The following CADM2 variants were observed in gnomAD, a reference collection of about 807,000 sequenced individuals.
CADM2 encodes the protein cell adhesion molecule 2.
A neutral mutation model predicts 49.8 loss-of-function variants in CADM2; 12 were observed. The observed-to-expected ratio is 0.24, with a 90% CI of 0.15 to 0.39. CADM2 has a LOEUF of 0.39. Ranked by LOEUF, CADM2 falls within the 10% of genes least tolerant of loss-of-function variation. The pLI is 1.00. For synonymous variants in CADM2, 214 were observed against 175.4 expected (o/e 1.22, Z -1.74); for missense variants, 378 against 492.3 (o/e 0.77, Z 2.20).
chr3:85,712,581 A>G (rs1359920418), intron 1 of CADM2, among the ~76,000 whole-genome samples: 1 of 152,212 alleles, frequency 6.6e-6, no homozygotes, highest in African/African-American at 2.4e-5. Flanking sequence ...TTATTTTCAT[A>G]TGACCTGAGT....
At chr3:85,984,162 A>G (rs1727805674) in intron 8 of CADM2, among the ~76,000 whole-genome samples, 1 of 150,230 alleles carries the variant, frequency 6.7e-6, no homozygotes, top group Non-Finnish European at 1.5e-5. Flanking sequence ...ATATGTGTAC[A>G]TATATGTGCA....
chr3:85,042,646 G>A (rs2035486763), intron 1 of CADM2, among the ~76,000 whole-genome samples: 1 of 152,302 alleles, frequency 6.6e-6, no homozygotes, highest in South Asian at 2.1e-4. Flanking sequence ...AGCATTGAAA[G>A]TGTCTCTATA....
intron 3 of CADM2, among the ~76,000 whole-genome samples, chr3:85,874,179 T>C (rs1204760826): frequency 6.6e-6 from 1 of 152,216 alleles, no homozygotes; most frequent in Admixed American, 6.5e-5. Context: ...TGTTATTACC[T>C]TAGTGAAAAC....
At chr3:85,478,841 T>A (rs963092220) in intron 1 of CADM2, among the ~76,000 whole-genome samples, 3 of 152,024 alleles carry the variant, frequency 2.0e-5, no homozygotes, top group African/African-American at 7.2e-5. Flanking sequence ...ACTGAAGCTA[T>A]GAAACACTTC....
At chr3:85,182,206 C>T (rs1359873813) in intron 1 of CADM2, among the ~76,000 whole-genome samples, 1 of 151,972 alleles carries the variant, frequency 6.6e-6, no homozygotes, top group Non-Finnish European at 1.5e-5. Flanking sequence ...ATTTAACATA[C>T]TACCTTCTCC....
chr3:85,036,997 G>GAAAAAAAAAAAAAAAA (rs10566030), intron 1 of CADM2, among the ~76,000 whole-genome samples: 1 of 78,014 alleles, frequency 1.3e-5, no homozygotes, highest in Admixed American at 1.2e-4. Context: ...ACTAAAAATA[G>GAAAAAAAAAAAAAAAA]AAAAAAAAAA....
intron 1 of CADM2, among the ~76,000 whole-genome samples, chr3:85,720,810 C>G (rs2067476005): frequency 1.3e-5 from 2 of 152,162 alleles, no homozygotes; most frequent in Non-Finnish European, 2.9e-5. Flanking sequence ...AGGCAGTTAT[C>G]TAGCCCTCTA....
intron 8 of CADM2, among the ~76,000 whole-genome samples, chr3:86,033,913 C>A (rs529054243): frequency 1.3e-5 from 2 of 150,050 alleles, no homozygotes; most frequent in African/African-American, 2.4e-5. Flanking sequence ...ATACTTAAAC[C>A]AGCCTTGAAG....
At chr3:86,035,271 A>T (rs1269494722) in intron 8 of CADM2, among the ~76,000 whole-genome samples, 2 of 151,984 alleles carry the variant, frequency 1.3e-5, no homozygotes, top group Non-Finnish European at 2.9e-5. Context: ...GATATTAATC[A>T]TCTTCATTCT....
chr3:85,034,400 C>T (rs2035119609), intron 1 of CADM2, among the ~76,000 whole-genome samples: 1 of 152,116 alleles, frequency 6.6e-6, no homozygotes, highest in Non-Finnish European at 1.5e-5. Flanking sequence ...ACCTCCAGTT[C>T]TATTTATGTT....
chr3:85,968,083 C>CTAA (rs1438448861), intron 8 of CADM2, among the ~76,000 whole-genome samples: 1 of 151,514 alleles, frequency 6.6e-6, no homozygotes, highest in Non-Finnish European at 1.5e-5. Flanking sequence ...AAACAGTGTG[C>CTAA]TAATGGAAGA....
chr3:85,446,804 G>A (rs1302180006), intron 1 of CADM2, among the ~76,000 whole-genome samples: 1 of 149,478 alleles, frequency 6.7e-6, no homozygotes, highest in Non-Finnish European at 1.5e-5. Context: ...GTTTCTCCAT[G>A]TTGGTCACGC....
At chr3:85,011,604 A>G (rs1576028146) in intron 1 of CADM2, among the ~76,000 whole-genome samples, 1 of 152,222 alleles carries the variant, frequency 6.6e-6, no homozygotes, top group South Asian at 2.1e-4. Context: ...AGTCAGTAGA[A>G]TTTAGCAATC....
chr3:85,538,445 G>T (rs2061470315), intron 1 of CADM2, among the ~76,000 whole-genome samples: 1 of 104,932 alleles, frequency 9.5e-6, no homozygotes, highest in Admixed American at 1.0e-4. Context: ...TTCAGGTCTT[G>T]AAAGTAGCTT....
intron 1 of CADM2, among the ~76,000 whole-genome samples, chr3:85,081,218 G>A (rs139163710): frequency 1.6e-4 from 24 of 152,138 alleles, no homozygotes; most frequent in African/African-American, 5.8e-4. Context: ...TTCCTGTTAA[G>A]TTGGTGTCTG....
At chr3:85,017,492 T>C (rs188884699) in intron 1 of CADM2, among the ~76,000 whole-genome samples, 46 of 152,328 alleles carry the variant, frequency 3.0e-4, no homozygotes, top group African/African-American at 1.0e-3. Flanking sequence ...AAGATATAAA[T>C]GTTTCTCCAG....
chr3:85,355,533 T>C (rs1246623613), intron 1 of CADM2, among the ~76,000 whole-genome samples: 1 of 152,144 alleles, frequency 6.6e-6, no homozygotes, highest in African/African-American at 2.4e-5. Flanking sequence ...CGGGCCATTT[T>C]TCATTCACTT....
chr3:86,029,096 G>A (rs927167735), intron 8 of CADM2, among the ~76,000 whole-genome samples: 1 of 152,168 alleles, frequency 6.6e-6, no homozygotes, highest in Admixed American at 6.6e-5. Context: ...GCTTTCAAGT[G>A]AGGGAAATAA....
At chr3:85,239,979 G>T (rs1314405893) in intron 1 of CADM2, among the ~76,000 whole-genome samples, 1 of 151,236 alleles carries the variant, frequency 6.6e-6, no homozygotes, top group Non-Finnish European at 1.5e-5. Flanking sequence ...ATATATTCCA[G>T]GGAAAGTATC....
Sources: gnomAD v4.1 joint callset for allele counts (sites outside exome capture counted in the v4.1 genomes callset) on GRCh38, gnomAD v4.1.1 for gene constraint, MANE v1.5 for transcripts, NCBI Gene and HGNC (gene_info 2026-07-23, HGNC 2026-07-21) for gene names.